GPRC6A: variants seen among roughly 807,000 people sequenced by gnomAD.
The protein encoded by GPRC6A is G protein-coupled receptor family C group 6 member A.
GPRC6A carries 54 observed loss-of-function variants against 47.0 expected under a neutral mutation model. The ratio of observed to expected loss-of-function variants is 1.15; its 90% confidence interval spans 0.92 to 1.44. The LOEUF (loss-of-function observed/expected upper bound fraction) is 1.44. Ranked by LOEUF, GPRC6A falls within the 40% of genes most tolerant of loss-of-function variation. The probability of loss-of-function intolerance (pLI) is 0.00; values close to 1 mark genes in which losing one functional copy is unlikely to be tolerated. For missense variants in GPRC6A, 1,112 were observed against 1,105.5 expected (o/e 1.01, Z -0.08); for synonymous variants, 347 against 377.1 (o/e 0.92, Z 0.93).
chr6:116,819,349 C>T, intron 1 of GPRC6A, among the ~76,000 whole-genome samples: 1 of 150,924 alleles, frequency 6.6e-6, no homozygotes. Context: ...AGCTCTGCAC[C>T]AAGTGGACCT....
At chr6:116,808,208 G>A (rs1248333962) in intron 2 of GPRC6A, among the ~76,000 whole-genome samples, 4 of 152,060 alleles carry the variant, frequency 2.6e-5, no homozygotes, top group Non-Finnish European at 5.9e-5. Flanking sequence ...GTAAACCTAA[G>A]TTCCCTTCCA....
intron 1 of GPRC6A, among the ~76,000 whole-genome samples, chr6:116,819,460 A>T (rs1208111798): frequency 3.3e-5 from 5 of 152,036 alleles, no homozygotes; most frequent in Admixed American, 6.6e-5. Context: ...ACTTGGAAGT[A>T]AAGCTCTCCT....
At chr6:116,802,942 T>G (rs1772724028) in intron 3 of GPRC6A, among the ~76,000 whole-genome samples, 1 of 152,128 alleles carries the variant, frequency 6.6e-6, no homozygotes, top group African/African-American at 2.4e-5. Flanking sequence ...TATCTTACCA[T>G]GCCAAAATTA....
At chr6:116,799,805 A>G (rs1251660941) in intron 4 of GPRC6A, among the ~76,000 whole-genome samples, 1 of 152,166 alleles carries the variant, frequency 6.6e-6, no homozygotes, top group Non-Finnish European at 1.5e-5. Context: ...GAGAGGGTAT[A>G]AAATTACCAA....
chr6:116,806,665 G>C lies in GPRC6A; in HGVS notation c.1040C>G (p.Pro347Arg). The C allele has an allele frequency of 6.2e-7, 1 of 1,613,502 alleles. No individual in the cohort carries two copies. Residue 347 changes from proline to arginine, a missense_variant, in exon 3 of 6, where the codon CCC (proline) becomes CGC (arginine). Pro to Arg is a moderately radical substitution (Grantham distance 103). Transcript: ENST00000310357. ...ATGTAAGAGTTTGTGACTGTCACTGGGAAGCAAGTGCAGATTTTGAAGAAA... is the reference window on the plus strand; with the variant it reads ...ATGTAAGAGTTTGTGACTGTCACTGCGAAGCAAGTGCAGATTTTGAAGAAA... Reference protein sequence around the residue: ...HSFLQNLHLLPSDSHKLLHEY... With the variant: ...HSFLQNLHLLRSDSHKLLHEY...
intron 1 of GPRC6A, among the ~76,000 whole-genome samples, chr6:116,823,679 A>G (rs1346607859): frequency 1.3e-5 from 2 of 152,160 alleles, no homozygotes; most frequent in Non-Finnish European, 2.9e-5. Context: ...ATTGAATAAA[A>G]AATACCTGAG....
chr6:116,806,549 A>T lies in GPRC6A; in HGVS notation c.1156T>A (p.Tyr386Asn). The T allele has an allele frequency of 2.5e-6, 4 of 1,613,626 alleles. No homozygotes were observed. The highest frequency in any genetic ancestry group is 3.4e-6 in the Non-Finnish European group (4 of 1,179,764). ...CTTTCTATAGCCTTGTTAGCCTTGTAGGCCAAAGTCCTTTGAGAATGATTG... is the reference window on the plus strand; with the variant it reads ...CTTTCTATAGCCTTGTTAGCCTTGTTGGCCAAAGTCCTTTGAGAATGATTG... ...IFNHSQRTLAYKANKAIERNF... is the reference protein window; with the variant it reads ...IFNHSQRTLANKANKAIERNF... Residue 386 changes from tyrosine (Y) to asparagine (N), a missense_variant, in exon 3 of 6, where the codon TAC becomes AAC. Tyr to Asn is a moderately radical substitution (Grantham distance 143). Transcript: ENST00000310357.
At chr6:116,809,264 T>C in intron 2 of GPRC6A, 50 bp downstream of exon 2, 1 of 1,464,270 alleles carries the variant, frequency 6.8e-7, no homozygotes, top group Non-Finnish European at 9.4e-7. Flanking sequence ...GATCCTTTCA[T>C]AATAACAAAT....
At position 116,800,764 on chromosome 6, in the gene GPRC6A, A is replaced by G; in HGVS notation, c.1368T>C (p.Thr456=). 6.2e-7 allele frequency: 1 copy of G among 1,609,782 alleles called. No individual in the cohort carries two copies. The highest frequency in any genetic ancestry group is 1.1e-5 in the South Asian group (1 of 91,032). ...CAAAATGAAATGAATTCCATCCATC[A>G]GTGAATGTCACATTTTTTAGCACAC... ...LLGVLKNVTF[T]DGWNSFHFDA... is the part of the protein sequence containing the mutation. The change falls in exon 4 of 6, where the codon ACT becomes ACC. Residue 456 remains threonine (T), a synonymous_variant. Transcript: ENST00000310357.
At chr6:116,822,773 G>C (rs1057472639) in intron 1 of GPRC6A, among the ~76,000 whole-genome samples, 2 of 150,338 alleles carry the variant, frequency 1.3e-5, no homozygotes, top group Non-Finnish European at 3.0e-5. Flanking sequence ...TGACGAGTTA[G>C]TGGGTGCAGC....
chr6:116,828,651 GT>G (rs1310569437), intron 1 of GPRC6A, among the ~76,000 whole-genome samples, 168 bp downstream of exon 1: 2 of 151,996 alleles, frequency 1.3e-5, no homozygotes, highest in Non-Finnish European at 2.9e-5. Context: ...ATAGAGGGCT[GT>G]TATAGCTCTC....
At chr6:116,800,819 T>A in intron 3 of GPRC6A, 23 bp from the exon 4 acceptor site, 1 of 1,418,592 alleles carries the variant, frequency 7.0e-7, no homozygotes, top group Non-Finnish European at 9.9e-7. Context: ...AAAACAGAGA[T>A]AAGCACTTAA....
Position 116,792,980 on chromosome 6 carries a change from C to G in GPRC6A, c.1943G>C (p.Ser648Thr). Reference sequence around the variant, plus strand: ...GTCTTGTGGTTCTCCAATGAAAAAGCTCGTGCTGGCAAAATTGAGGAAATG... The same window carrying G: ...GTCTTGTGGTTCTCCAATGAAAAAGGTCGTGCTGGCAAAATTGAGGAAATG... ...LCHFLNFAST[S>T]FFIGEPQDFT... The change falls in exon 6 of 6, where the codon AGC becomes ACC. Residue 648 changes from serine to threonine, a missense_variant. Transcript: ENST00000310357. 1 of 1,614,064 alleles carries G rather than the reference C, an allele frequency of 6.2e-7. No individual in the cohort carries two copies.
intron 2 of GPRC6A, among the ~76,000 whole-genome samples, chr6:116,807,965 ATTTCTT>A (rs896475350): frequency 2.9e-4 from 44 of 150,634 alleles, no homozygotes; most frequent in Non-Finnish European, 1.0e-4. Context: ...CTTGCTCAGT[ATTTCTT>A]TTTCTTTTTC....
At chr6:116,829,099 A>G (rs776352287), upstream of GPRC6A, 2 of 1,502,892 alleles carry the variant, frequency 1.3e-6, no homozygotes, top group African/African-American at 1.4e-5. Context: ...TTTCACCTGT[A>G]AACACCTTAT....
Position 116,809,396 on chromosome 6 carries a change from C to T in GPRC6A, c.416G>A (p.Arg139Lys), listed in dbSNP as rs1323977227. Residue 139 changes from arginine (R) to lysine (K), a missense_variant, in exon 2 of 6, where the codon AGA becomes AAA. Physicochemically the swap from Arg to Lys is conservative, Grantham distance 26. Transcript: ENST00000310357. ...FKCDYSSYMP[R>K]VKAVIGSGYS... ...CCCAGAACCTATGACAGCCTTAACT[C>T]TTGGCATGTAGCTGGAATAGTCACA... is the stretch of plus-strand genomic sequence containing the variant. The T allele has an allele frequency of 1.2e-6, 2 of 1,613,632 alleles. No individual in the cohort carries two copies.
At chr6:116,820,178 T>G (rs1268276781) in intron 1 of GPRC6A, among the ~76,000 whole-genome samples, 3 of 151,646 alleles carry the variant, frequency 2.0e-5, no homozygotes, top group Non-Finnish European at 4.4e-5. Context: ...AATCTCTGAA[T>G]AGACCAATAA....
intron 1 of GPRC6A, among the ~76,000 whole-genome samples, chr6:116,824,206 C>T (rs1222032309): frequency 6.6e-6 from 1 of 151,246 alleles, no homozygotes; most frequent in Non-Finnish European, 1.5e-5. Context: ...AGCAAAAAAA[C>T]ATAAAACCCA....
intron 5 of GPRC6A, among the ~76,000 whole-genome samples, chr6:116,793,981 G>A (rs1772398650): frequency 1.3e-5 from 2 of 152,190 alleles, no homozygotes; most frequent in African/African-American, 4.8e-5. Flanking sequence ...GTAAATCAGA[G>A]CCTCTCACAC....
Sources: gnomAD v4.1 joint callset for allele counts (sites outside exome capture counted in the v4.1 genomes callset) on GRCh38, gnomAD v4.1.1 for gene constraint, MANE v1.5 for transcripts, NCBI Gene and HGNC (gene_info 2026-07-23, HGNC 2026-07-21) for gene names.